Variants in PLXNA2 observed in about 807,000 individuals in gnomAD.
The protein encoded by PLXNA2 is plexin A2.
A neutral mutation model predicts 193.5 loss-of-function variants in PLXNA2; 91 were observed. The ratio of observed to expected loss-of-function variants is 0.47; its 90% CI spans 0.40 to 0.56. PLXNA2 has a LOEUF of 0.56. PLXNA2 is among the 20% of genes least tolerant of loss of function. The pLI is 0.00. For synonymous variants in PLXNA2, 997 were observed against 1,027.3 expected, an observed-to-expected ratio of 0.97 and a Z score of 0.56; for missense variants, 1,995 against 2,503.2, an observed-to-expected ratio of 0.80 and a Z score of 4.33.
In PLXNA2 at chr1:208,079,417, C is replaced by G; in HGVS notation, c.2429G>C (p.Ser810Thr). 1 of 1,610,532 alleles carries G rather than the reference C, an allele frequency of 6.2e-7. No homozygotes were observed. Residue 810 changes from serine to threonine, a missense_variant, in exon 12 of 32, where the codon AGC becomes ACC. Ser to Thr is a moderately conservative substitution (Grantham distance 58). Coordinates refer to ENST00000367033, the MANE Select transcript of PLXNA2 (RefSeq NM_025179.4). ...HLYKCAAQRE[S>T]CGLCLKADRK... ...GTCGGCCTTGAGGCAGAGGCCGCAG[C>G]TCTCCCGCTGGGCTGCACACTTGTA... is the stretch of plus-strand genomic sequence containing the variant.
chr1:208,031,962 A>G (rs1338307184), intron 28 of PLXNA2: 1 of 983,772 alleles, frequency 1.0e-6, no homozygotes. Context: ...AATCCTGGGG[A>G]AGAATCTCTC....
At position 208,043,110 on chromosome 1, in the gene PLXNA2, C is replaced by T. The variant is rs374038859; in HGVS notation, c.3968G>A (p.Arg1323Gln). Reference protein sequence around the residue: ...PYLDYRTYAMRVLFPGIEDHP... With the variant: ...PYLDYRTYAMQVLFPGIEDHP... ...GTCCTCGATGCCCGGGAACAGGACT[C>T]GCATAGCGTAGGTACGATAGTCCAG... Residue 1323 changes from arginine (R) to glutamine (Q), a missense_variant, in exon 21 of 32, where the codon CGA (arginine) becomes CAA (glutamine). By Grantham distance (43) the Arg-to-Gln change is conservative. Transcript: ENST00000367033. 7.4e-6 allele frequency: 12 copies of T among 1,614,102 alleles called. No homozygotes were observed. The highest frequency in any genetic ancestry group is 1.0e-5 in the Non-Finnish European group (12 of 1,180,024).
chr1:208,060,139 C>T (rs1039527619), intron 13 of PLXNA2, among the ~76,000 whole-genome samples: 31 of 152,212 alleles, frequency 2.0e-4, no homozygotes, highest in African/African-American at 7.5e-4. Context: ...ACAGCAGCCA[C>T]CACTGCCAAA....
In PLXNA2 at chr1:208,079,321, G is replaced by A. The variant is rs143711247; in HGVS notation, c.2525C>T (p.Ser842Phe). ...CTLHQHCTSP[S>F]SPWLDWSSHN... is the part of the protein sequence containing the mutation. ...GCTGGACCAGTCGAGCCAGGGGCTG[G>A]AAGGGCTGGTACAGTGCTGGTGGAG... Residue 842 changes from serine to phenylalanine, a missense_variant, in exon 12 of 32, where the codon TCC becomes TTC. Ser to Phe is a radical substitution (Grantham distance 155, BLOSUM62 -2). Transcript: ENST00000367033. 3,649 of 1,613,532 alleles carry A rather than the reference G, an allele frequency of 2.3e-3. 6 individuals carry two copies. Among genetic ancestry groups the A allele is most frequent in the Non-Finnish European group, 2.6e-3 (3,069 of 1,179,472 alleles).
chr1:208,049,140 C>A (rs1047520394), intron 17 of PLXNA2, among the ~76,000 whole-genome samples: 1 of 152,174 alleles, frequency 6.6e-6, no homozygotes, highest in African/African-American at 2.4e-5. Context: ...TTTCTCCCTC[C>A]GCCTCCAGGC....
At chr1:208,129,682 A>G (rs536475736) in intron 4 of PLXNA2, among the ~76,000 whole-genome samples, 2 of 152,282 alleles carry the variant, frequency 1.3e-5, no homozygotes, top group Admixed American at 1.3e-4. Flanking sequence ...TCCTCCAGGA[A>G]GCCTTCCTTG....
chr1:208,093,556 G>A (rs559832919), intron 8 of PLXNA2, among the ~76,000 whole-genome samples: 1 of 152,314 alleles, frequency 6.6e-6, no homozygotes, highest in African/African-American at 2.4e-5. Flanking sequence ...CTAAATGTGA[G>A]TATTATTGTC....
chr1:208,174,442 G>T (rs1305348786), intron 3 of PLXNA2, among the ~76,000 whole-genome samples: 1 of 152,026 alleles, frequency 6.6e-6, no homozygotes, highest in Non-Finnish European at 1.5e-5. Context: ...GGCTGTGGAG[G>T]GAGGGAAGAA....
In PLXNA2 at chr1:208,197,017, T is replaced by C. The variant is rs146222569; in HGVS notation, c.1371+13263A>G. 3.4e-3 allele frequency among the ~76,000 whole-genome samples: 523 copies of C among 152,322 alleles called. 5 individuals carry two copies. The highest frequency in any genetic ancestry group is 0.012 in the African/African-American group (509 of 41,548). ...TATTATAATCCTTCTGAAGAAGGTA[T>C]TATTATGACCTTTTTAAAGACAAGA... On this transcript the variant is annotated intron_variant, in intron 3 of 31. Transcript: ENST00000367033.
chr1:208,210,870 T>C (rs374644786), intron 2 of PLXNA2, among the ~76,000 whole-genome samples: 31 of 152,314 alleles, frequency 2.0e-4, no homozygotes, highest in African/African-American at 6.7e-4. Context: ...AAAGGCAACA[T>C]TACAGGATTT....
In PLXNA2 at chr1:208,239,456, T is replaced by G. The variant is rs139980721; in HGVS notation, c.-81+4187A>C. 6.8e-4 allele frequency among the ~76,000 whole-genome samples: 104 copies of G among 152,376 alleles called. 1 individual carries two copies. Among genetic ancestry groups the G allele is most frequent in the African/African-American group, 2.5e-3 (102 of 41,588 alleles). ...CTGTGCCCACATCTTGACTTCTGTCTTTCCATGTGTGCCTTTGCTCCTGCA... is the reference window on the plus strand; with the variant it reads ...CTGTGCCCACATCTTGACTTCTGTCGTTCCATGTGTGCCTTTGCTCCTGCA... On this transcript the variant is annotated intron_variant, in intron 1 of 31. Transcript: ENST00000367033.
rs1428129067 is a variant in PLXNA2, at chr1:208,168,723, GGTTTTTTTT to G, written c.1372-26269_1372-26261del. Among the ~76,000 whole-genome samples, 29 of 102,240 alleles carry G rather than the reference GGTTTTTTTT, an allele frequency of 2.8e-4. 3 individuals are homozygous for G. Among genetic ancestry groups the G allele is most frequent in the Non-Finnish European group, 4.5e-4 (24 of 53,432 alleles). 67.1% of individuals were successfully genotyped at this position (102,240 alleles called of 152,430 possible). ...CAAAAAGAAGACAAAGAGTATGCGG[GGTTTTTTTT>G]TTTTTTTTTTTTTTTTTTTAGAATG... On this transcript the variant is annotated intron_variant, in intron 3 of 31. Transcript: ENST00000367033.
At chr1:208,127,765 C>T (rs1296193291) in intron 4 of PLXNA2, among the ~76,000 whole-genome samples, 1 of 152,240 alleles carries the variant, frequency 6.6e-6, no homozygotes, top group Non-Finnish European at 1.5e-5. Flanking sequence ...AACTCCGGGG[C>T]AGCCACTCGC....
chr1:208,194,085 T>G (rs1440687099), intron 3 of PLXNA2, among the ~76,000 whole-genome samples: 1 of 151,850 alleles, frequency 6.6e-6, no homozygotes, highest in Non-Finnish European at 1.5e-5. Context: ...CCTGGAGTCG[T>G]TTACTCCATC....
intron 1 of PLXNA2, among the ~76,000 whole-genome samples, chr1:208,233,681 C>A (rs546084673): frequency 2.0e-5 from 3 of 152,232 alleles, no homozygotes; most frequent in African/African-American, 7.2e-5. Flanking sequence ...GAGCTCTCTG[C>A]GCCTCCCAGC....
chr1:208,044,765 C>A lies in PLXNA2; in HGVS notation c.3640-23G>T. On this transcript the variant is annotated intron_variant, in intron 19 of 31. Coordinates refer to ENST00000367033, the MANE Select transcript of PLXNA2 (RefSeq NM_025179.4). This position sits in a 1 kb window ranked among gnomAD's most constrained non-coding sequence, Gnocchi z 4.9. Reference sequence around the variant, plus strand: ...AACCTGTGCATTGTACACATACAGACGCACATGGATGCACACAGGTGTAGA... The same window carrying A: ...AACCTGTGCATTGTACACATACAGAAGCACATGGATGCACACAGGTGTAGA... 6.4e-7 allele frequency: 1 copy of A among 1,569,426 alleles called. No homozygotes were observed. The highest frequency in any genetic ancestry group is 8.8e-7 in the Non-Finnish European group (1 of 1,142,824).
intron 6 of PLXNA2, among the ~76,000 whole-genome samples, 200 bp downstream of exon 6, chr1:208,098,646 A>C (rs919261451): frequency 1.3e-5 from 2 of 152,240 alleles, no homozygotes; most frequent in Non-Finnish European, 2.9e-5. Flanking sequence ...ATCAATGGGT[A>C]ATGAATTTGC....
intron 12 of PLXNA2, among the ~76,000 whole-genome samples, chr1:208,068,997 AC>A (rs1303150964): frequency 6.6e-6 from 1 of 152,180 alleles, no homozygotes; most frequent in Non-Finnish European, 1.5e-5. Context: ...CAAGGGAAAC[AC>A]TTTAGGGTAG....
At position 208,099,759 on chromosome 1, in the gene PLXNA2, C is replaced by T. The variant is rs7354826; in HGVS notation, c.1608-790G>A. Reference sequence around the variant, plus strand: ...CTAATTTTTATATTTTTAGTAGAGACGGGGTTTCACCATCTTGGCCAGGAT... The same window carrying T: ...CTAATTTTTATATTTTTAGTAGAGATGGGGTTTCACCATCTTGGCCAGGAT... On this transcript the variant is annotated intron_variant, in intron 5 of 31. Transcript: ENST00000367033. Among the ~76,000 whole-genome samples the T allele has an allele frequency of 8.5e-3, 1,288 of 152,020 alleles. 23 individuals carry two copies. Among genetic ancestry groups the T allele is most frequent in the Admixed American group, 0.031 (466 of 15,252 alleles).
Sources: gnomAD v4.1 joint callset for allele counts (sites outside exome capture counted in the v4.1 genomes callset) on GRCh38, gnomAD v4.1.1 for gene constraint, Gnocchi (gnomAD v3.1) non-coding constraint, MANE v1.5 for transcripts, NCBI Gene and HGNC (gene_info 2026-07-23, HGNC 2026-07-21) for gene names.